ERC2: variants seen among roughly 807,000 people sequenced by gnomAD.
ERC2 encodes ERC protein 2.
Under a neutral mutation model 114.8 loss-of-function variants are expected in ERC2, and 42 were observed. That is an observed-to-expected ratio of 0.37 (90% CI 0.29 to 0.47). ERC2 has a LOEUF of 0.47. ERC2 is among the 20% of genes least tolerant of loss of function. ERC2 has a pLI of 0.99. For synonymous variants in ERC2, 454 were observed against 425.5 expected (o/e 1.07, Z -0.82); for missense variants, 939 against 1,150.7 (o/e 0.82, Z 2.66).
intron 13 of ERC2, among the ~76,000 whole-genome samples, chr3:55,926,527 T>C (rs1326451674): frequency 6.6e-6 from 1 of 152,188 alleles, no homozygotes; most frequent in African/African-American, 2.4e-5. Flanking sequence ...GCTCCTGGTC[T>C]TCCAGTTTCA....
intron 12 of ERC2, among the ~76,000 whole-genome samples, chr3:55,960,376 A>G (rs745972205): frequency 9.2e-5 from 14 of 151,924 alleles, no homozygotes; most frequent in Non-Finnish European, 2.1e-4. Flanking sequence ...GGCACAGGCT[A>G]TTTTCCCTGT....
At chr3:56,256,016 C>T (rs1333597355) in intron 3 of ERC2, among the ~76,000 whole-genome samples, 2 of 152,216 alleles carry the variant, frequency 1.3e-5, no homozygotes, top group Admixed American at 6.5e-5. Context: ...ACAGTTCCCT[C>T]AATGTGGATC....
chr3:55,691,573 A>AAAAATATATAT (rs1553631525), intron 16 of ERC2, among the ~76,000 whole-genome samples: 2 of 39,738 alleles, frequency 5.0e-5, no homozygotes, highest in Non-Finnish European at 9.3e-5. Flanking sequence ...AAAAAAAAAA[A>AAAAATATATAT]ATATATATAT....
At chr3:55,943,112 G>A (rs550144560) in intron 13 of ERC2, among the ~76,000 whole-genome samples, 4 of 152,266 alleles carry the variant, frequency 2.6e-5, no homozygotes, top group African/African-American at 9.6e-5. Flanking sequence ...TCCTGGCCAG[G>A]GAGAGCTGGT....
intron 14 of ERC2, among the ~76,000 whole-genome samples, chr3:55,800,950 C>G (rs1263765334): frequency 6.6e-6 from 1 of 152,166 alleles, no homozygotes; most frequent in Non-Finnish European, 1.5e-5. Flanking sequence ...CTAGGGGACT[C>G]TCTCTTCTTC....
At chr3:55,848,477 C>A (rs1188460362) in intron 14 of ERC2, among the ~76,000 whole-genome samples, 6 of 152,176 alleles carry the variant, frequency 3.9e-5, no homozygotes, top group Non-Finnish European at 7.4e-5. Flanking sequence ...CTTTTAAAAG[C>A]CTTCCATGTT....
chr3:55,542,008 C>T (rs551014526), intron 17 of ERC2, among the ~76,000 whole-genome samples: 22 of 152,332 alleles, frequency 1.4e-4, no homozygotes, highest in Non-Finnish European at 1.5e-5. Context: ...CATATAGCAT[C>T]TTTAATCTTC....
chr3:55,867,362 G>A (rs2062372423), intron 14 of ERC2, among the ~76,000 whole-genome samples: 1 of 152,082 alleles, frequency 6.6e-6, no homozygotes, highest in Admixed American at 6.6e-5. Context: ...TTCAATAAGT[G>A]TTTTAGGGTT....
At chr3:55,808,779 T>TAA (rs2059603784) in intron 14 of ERC2, among the ~76,000 whole-genome samples, 2 of 139,552 alleles carry the variant, frequency 1.4e-5, no homozygotes, top group Admixed American at 1.4e-4. Flanking sequence ...TATATATAAT[T>TAA]GTGAGAGAAT....
chr3:56,434,515 G>A lies in ERC2; in HGVS notation c.493C>T (p.Arg165Trp), dbSNP rs374728276. Residue 165 changes from arginine (R) to tryptophan (W), a missense_variant, in exon 2 of 18, where the codon CGG becomes TGG. Physicochemically the swap from Arg to Trp is moderately radical, Grantham distance 101. Around this residue, in one of 5 missense-constraint regions of ERC2, gnomAD observed 281 missense variants for 307.4 expected, o/e 0.91. Coordinates refer to ENST00000288221, the MANE Select transcript of ERC2 (RefSeq NM_015576.3). ...CTGTCCTTGATGTCTAGCTCTTTCC[G>A]GAGGAGGTCATTCTCTCTCTGCAGT... is the stretch of plus-strand genomic sequence containing the variant. ...KELQRENDLL[R>W]KELDIKDSKL... 5.0e-6 allele frequency: 8 copies of A among 1,613,930 alleles called. No homozygotes were observed. Among genetic ancestry groups the A allele is most frequent in the African/African-American group, 1.3e-5 (1 of 75,026 alleles).
intron 11 of ERC2, among the ~76,000 whole-genome samples, chr3:55,988,360 C>G (rs1045130516): frequency 6.6e-6 from 1 of 152,160 alleles, no homozygotes; most frequent in South Asian, 2.1e-4. Context: ...CCCACTGGGC[C>G]GTGCAAGAGT....
At chr3:55,621,176 G>T (rs184244422) in intron 17 of ERC2, among the ~76,000 whole-genome samples, 2 of 151,332 alleles carry the variant, frequency 1.3e-5, no homozygotes, top group African/African-American at 4.9e-5. Context: ...GCCAGAGTTG[G>T]TTTCTTTGAT....
At chr3:56,398,103 T>C (rs935319995) in intron 2 of ERC2, among the ~76,000 whole-genome samples, 7 of 152,204 alleles carry the variant, frequency 4.6e-5, no homozygotes, top group Non-Finnish European at 8.8e-5. Context: ...ATTGAGTTTA[T>C]ATATGTTGCT....
At chr3:55,734,727 G>A in intron 15 of ERC2, 44 bp downstream of exon 15, 1 of 1,573,876 alleles carries the variant, frequency 6.4e-7, no homozygotes, top group East Asian at 2.3e-5. Flanking sequence ...AGCCCCCAAA[G>A]CCCCAAACCC....
At chr3:56,152,771 A>G (rs752774424) in intron 4 of ERC2, among the ~76,000 whole-genome samples, 23 of 152,230 alleles carry the variant, frequency 1.5e-4, no homozygotes, top group Non-Finnish European at 2.9e-4. Context: ...CTACACATTC[A>G]TAAAATAATA....
intron 17 of ERC2, among the ~76,000 whole-genome samples, chr3:55,538,577 C>T (rs1340169139): frequency 2.0e-5 from 3 of 152,168 alleles, no homozygotes; most frequent in East Asian, 1.9e-4. Flanking sequence ...AACGGCATTG[C>T]GTGCTTTAAC....
At chr3:55,985,920 G>A (rs2070587101) in intron 12 of ERC2, 57 bp downstream of exon 12, 7 of 1,458,706 alleles carry the variant, frequency 4.8e-6, no homozygotes, top group Non-Finnish European at 6.5e-6. Context: ...ACAAGTGCAA[G>A]CCATAAATTG....
intron 14 of ERC2, among the ~76,000 whole-genome samples, chr3:55,832,385 G>C (rs1373267215): frequency 6.6e-6 from 1 of 152,140 alleles, no homozygotes; most frequent in African/African-American, 2.4e-5. Context: ...CACTTCACAC[G>C]GCCGGGTACT....
At chr3:56,255,525 G>A (rs967534164) in intron 3 of ERC2, among the ~76,000 whole-genome samples, 5 of 152,276 alleles carry the variant, frequency 3.3e-5, no homozygotes, top group Non-Finnish European at 5.9e-5. Flanking sequence ...TCCCTGGGCT[G>A]CCCTGGGAGG....
Sources: allele counts gnomAD v4.1 joint callset (sites outside exome capture counted in the v4.1 genomes callset), GRCh38; gene constraint gnomAD v4.1.1; regional missense constraint gnomAD v4.1.1; transcripts MANE v1.5; gene names NCBI Gene and HGNC (gene_info 2026-07-23, HGNC 2026-07-21).